KLC2: variants seen among roughly 807,000 people sequenced by gnomAD.
The protein encoded by KLC2 is KLC 2.
A neutral mutation model predicts 75.1 loss-of-function variants in KLC2; 35 were observed. The observed-to-expected ratio is 0.47, with a 90% CI of 0.36 to 0.62. KLC2 has a LOEUF of 0.62. KLC2 is among the 20% of genes least tolerant of loss of function. KLC2 has a pLI of 0.00. For synonymous variants in KLC2, 314 were observed against 336.7 expected (o/e 0.93, Z 0.74); for missense variants, 611 against 833.2 (o/e 0.73, Z 3.28).
Position 66,265,769 on chromosome 11 carries a change from G to C in KLC2, c.1443+6G>C, listed in dbSNP as rs1022166768. 1.2e-6 allele frequency: 2 copies of C among 1,612,740 alleles called. No homozygotes were observed. Among genetic ancestry groups the C allele is most frequent in the African/African-American group, 1.3e-5 (1 of 74,900 alleles). On this transcript the variant is annotated splice_donor_region_variant and intron_variant, in intron 12 of 15. Coordinates refer to ENST00000394067, the MANE Select transcript of KLC2 (RefSeq NM_001318734.2). ...CCAGCCGTAACCGCAAGCAGGTGGGGCTCCATGCAGGAGGGGGTGGGCAGA... is the reference window on the plus strand; with the variant it reads ...CCAGCCGTAACCGCAAGCAGGTGGGCCTCCATGCAGGAGGGGGTGGGCAGA...
intron 2 of KLC2, chr11:66,261,368 G>A (rs537985166): frequency 6.3e-5 from 12 of 190,092 alleles, no homozygotes; most frequent in African/African-American, 1.8e-4. Flanking sequence ...GTGGGCAAGC[G>A]CTAGCCCTGA....
intron 9 of KLC2, 57 bp from the exon 10 acceptor site, chr11:66,264,966 G>A: frequency 3.2e-6 from 5 of 1,579,308 alleles, no homozygotes; most frequent in Non-Finnish European, 4.3e-6. Flanking sequence ...CCTGTGTCCA[G>A]CCCAACCAGG....
In KLC2 at chr11:66,267,495, C is replaced by T. The variant is rs1186975033; in HGVS notation, c.*539C>T. The T allele has an allele frequency of 3.0e-5, 21 of 696,736 alleles. No homozygotes were observed. The highest frequency in any genetic ancestry group is 1.1e-4 in the South Asian group (7 of 65,596). The allele number at this position is 696,736 out of a possible 1,614,324, so 43.2% of individuals were successfully genotyped here. A position where few individuals can be genotyped will look rare whatever the true frequency, so the allele number is the denominator to read the frequency against. On this transcript the variant is annotated 3_prime_UTR_variant, in exon 16 of 16. Transcript: ENST00000394067. Reference sequence around the variant, plus strand: ...GGCTCTACATTCTCGGGAGCGGCGCCTCCCAAGGGGGTCCTGGGACCTTCT... The same window carrying T: ...GGCTCTACATTCTCGGGAGCGGCGCTTCCCAAGGGGGTCCTGGGACCTTCT...
intron 14 of KLC2, 88 bp downstream of exon 14, chr11:66,266,305 C>A (rs1856821064): frequency 1.3e-6 from 2 of 1,502,350 alleles, no homozygotes; most frequent in African/African-American, 2.8e-5. Context: ...TGACCCCAGG[C>A]AACCTCCCCA....
upstream of KLC2, among the ~76,000 whole-genome samples, chr11:66,254,159 T>C (rs1855985024): frequency 6.6e-6 from 1 of 151,556 alleles, no homozygotes; most frequent in African/African-American, 2.4e-5. Flanking sequence ...GAGGCAGAGG[T>C]TGCAGTGAGC....
upstream of KLC2, among the ~76,000 whole-genome samples, chr11:66,253,843 A>G (rs750762300): frequency 6.6e-6 from 1 of 152,240 alleles, no homozygotes; most frequent in Non-Finnish European, 1.5e-5. Context: ...TCCCAAAGGA[A>G]CCACTGAAGC....
intron 1 of KLC2, 158 bp from the exon 2 acceptor site, chr11:66,258,426 C>T (rs953716230): frequency 4.6e-5 from 28 of 602,518 alleles, no homozygotes; most frequent in South Asian, 4.3e-4. Context: ...GGCGCGCCCT[C>T]TGTAGGCCAA....
Position 66,261,924 on chromosome 11 carries a change from G to C in KLC2, c.411G>C (p.Leu137Phe). Residue 137 changes from leucine (L) to phenylalanine (F), a missense_variant, in exon 3 of 16, where the codon TTG (leucine) becomes TTC (phenylalanine). Physicochemically the swap from Leu to Phe is conservative, Grantham distance 22. Transcript: ENST00000394067. ...VAQLEEEKQHLLFMSQIRKLD... is the reference protein window; with the variant it reads ...VAQLEEEKQHFLFMSQIRKLD... ...AGCTCGAGGAGGAGAAGCAGCACTT[G>C]CTGTTCATGAGCCAGATCCGCAAGT... The C allele has an allele frequency of 6.2e-7, 1 of 1,614,222 alleles. No homozygotes were observed.
the KLC2 span, among the ~76,000 whole-genome samples, chr11:66,246,483 C>T: frequency 6.6e-6 from 1 of 152,178 alleles, no homozygotes; most frequent in African/African-American, 2.4e-5. Context: ...ATCCTCGGGG[C>T]CCATCCCTCT....
At chr11:66,261,670 A>G (rs772256170) in intron 2 of KLC2, 72 bp from the exon 3 acceptor site, 3 of 1,003,604 alleles carry the variant, frequency 3.0e-6, no homozygotes, top group South Asian at 1.5e-5. Flanking sequence ...CCAGAGCCCA[A>G]CTAGGCCCAG....
the KLC2 span, among the ~76,000 whole-genome samples, chr11:66,245,503 G>A: frequency 1.1e-4 from 17 of 152,142 alleles, no homozygotes; most frequent in African/African-American, 4.1e-4. Context: ...GGATCATGAG[G>A]TCAGGAGATT....
chr11:66,252,901 TGG>T (rs1855975517), upstream of KLC2, among the ~76,000 whole-genome samples: 1 of 151,410 alleles, frequency 6.6e-6, no homozygotes, highest in East Asian at 1.9e-4. Context: ...CAACAACTAG[TGG>T]TGTCCAAGGT....
chr11:66,263,145 T>G, intron 5 of KLC2, 109 bp downstream of exon 5: 3 of 749,402 alleles, frequency 4.0e-6, no homozygotes, highest in Non-Finnish European at 6.7e-6. Context: ...TGCGTGGAGC[T>G]GGGCTACAGA....
chr11:66,260,369 A>T (rs895785228), intron 2 of KLC2, among the ~76,000 whole-genome samples: 8 of 152,292 alleles, frequency 5.3e-5, no homozygotes, highest in Admixed American at 4.6e-4. Context: ...GAGGGGGAAC[A>T]ATCTGCACGG....
Position 66,258,705 on chromosome 11 carries a change from C to T in KLC2, c.111C>T (p.Ala37=). ...AGACTCTGCGTGGGGAGCATCGTGC[C>T]CTGCTGGCTCCTCTGGTTGCACCTG... ...GLETLRGEHR[A]LLAPLVAPEA... Residue 37 remains alanine, a synonymous_variant, in exon 2 of 16, where the codon GCC becomes GCT. Transcript: ENST00000394067. The T allele has an allele frequency of 6.2e-7, 1 of 1,613,824 alleles. No homozygotes were observed. The highest frequency in any genetic ancestry group is 8.5e-7 in the Non-Finnish European group (1 of 1,179,962).
Position 66,266,078 on chromosome 11 carries a change from C to T in KLC2, c.1603-15C>T. The T allele has an allele frequency of 1.2e-6, 2 of 1,614,058 alleles. No individual in the cohort carries two copies. The highest frequency in any genetic ancestry group is 1.3e-5 in the African/African-American group (1 of 75,060). On this transcript the variant is annotated splice_polypyrimidine_tract_variant and intron_variant, in intron 13 of 15. Coordinates refer to ENST00000394067, the MANE Select transcript of KLC2 (RefSeq NM_001318734.2). ...GTGGCCAGCGGGGCCTAGAGGCAAGCCTGTCCACCTGCAGGATGGCAGTGG... is the reference window on the plus strand; with the variant it reads ...GTGGCCAGCGGGGCCTAGAGGCAAGTCTGTCCACCTGCAGGATGGCAGTGG...
At position 66,265,088 on chromosome 11, in the gene KLC2, A is replaced by G. The variant is rs202117229; in HGVS notation, c.1266+16A>G. On this transcript the variant is annotated intron_variant, in intron 10 of 15. Transcript: ENST00000394067. Reference sequence around the variant, plus strand: ...GGAAAGCAAGGTAGCTCTGTGGGGCAGGCTGGGCGGTTGTCAGGGGAGGCT... The same window carrying G: ...GGAAAGCAAGGTAGCTCTGTGGGGCGGGCTGGGCGGTTGTCAGGGGAGGCT... 6.2e-7 allele frequency: 1 copy of G among 1,609,784 alleles called. No homozygotes were observed. The highest frequency in any genetic ancestry group is 8.5e-7 in the Non-Finnish European group (1 of 1,176,522).
upstream of KLC2, among the ~76,000 whole-genome samples, chr11:66,253,221 G>A (rs1206379798): frequency 1.3e-5 from 2 of 151,972 alleles, no homozygotes; most frequent in Non-Finnish European, 2.9e-5. Flanking sequence ...CGCCCATCTC[G>A]GCCTCCCAAA....
At chr11:66,259,599 G>A (rs1459169598) in intron 2 of KLC2, 2 of 152,252 alleles carry the variant, frequency 1.3e-5, no homozygotes, top group Non-Finnish European at 2.9e-5. Context: ...CAGGAAATCA[G>A]AAAGCCTCTG....
Sources: allele counts gnomAD v4.1 joint callset (sites outside exome capture counted in the v4.1 genomes callset), GRCh38; gene constraint gnomAD v4.1.1; transcripts MANE v1.5; gene names NCBI Gene and HGNC (gene_info 2026-07-23, HGNC 2026-07-21).